Variants in TRAPPC9 observed in about 807,000 individuals in gnomAD.
TRAPPC9 encodes IKK2 binding protein.
Under a neutral mutation model 124.0 loss-of-function variants are expected in TRAPPC9, and 83 were observed. That is an observed-to-expected ratio of 0.67 (90% CI 0.56 to 0.80). The LOEUF is 0.80. Ranked by LOEUF, TRAPPC9 falls within the 30% of genes least tolerant of loss-of-function variation. The probability of loss-of-function intolerance (pLI) is 0.00; values close to 1 mark genes in which losing one functional copy is unlikely to be tolerated. For missense variants in TRAPPC9, 1,302 were observed against 1,508.3 expected, an observed-to-expected ratio of 0.86 and a Z score of 2.27; for synonymous variants, 638 against 617.5, an observed-to-expected ratio of 1.03 and a Z score of -0.49.
At chr8:139,938,586 G>A (rs534093598) in intron 19 of TRAPPC9, among the ~76,000 whole-genome samples, 1 of 148,434 alleles carries the variant, frequency 6.7e-6, no homozygotes, top group East Asian at 2.1e-4. Context: ...TGCCCAGCTA[G>A]AAACAGTCTA....
chr8:140,306,485 T>G lies in TRAPPC9; in HGVS notation c.1622+4763A>C, dbSNP rs561236812. ...TCCAGCCTCAGCATCAGAGCAAGAC[T>G]CTGTCTCAAAAAAAAAAAAAAAAAA... is the stretch of plus-strand genomic sequence containing the variant. On this transcript the variant is annotated intron_variant, in intron 10 of 22. Coordinates refer to ENST00000438773, the MANE Select transcript of TRAPPC9 (RefSeq NM_001160372.4). Among the ~76,000 whole-genome samples, 7 of 110,248 alleles carry G rather than the reference T, an allele frequency of 6.3e-5. No individual in the cohort carries two copies. In the South Asian group the frequency reaches 2.3e-3, roughly 37 times the overall value. The allele number at this position is 110,248 out of a possible 152,430, so 72.3% of individuals were successfully genotyped here. A position where few individuals can be genotyped will look rare whatever the true frequency, so the allele number is the denominator to read the frequency against.
chr8:139,981,606 A>C (rs913545162), intron 19 of TRAPPC9, among the ~76,000 whole-genome samples: 9 of 152,238 alleles, frequency 5.9e-5, no homozygotes, highest in African/African-American at 1.2e-4. Context: ...TTAAACCAGA[A>C]ACAAAAAGAG....
chr8:139,867,829 A>G (rs528106188), intron 21 of TRAPPC9, among the ~76,000 whole-genome samples: 1 of 152,256 alleles, frequency 6.6e-6, no homozygotes, highest in Non-Finnish European at 1.5e-5. Context: ...CTAAATGTAT[A>G]TAACAGCTCA....
chr8:140,082,405 G>A (rs1032863228), intron 17 of TRAPPC9, among the ~76,000 whole-genome samples: 2 of 152,158 alleles, frequency 1.3e-5, no homozygotes, highest in South Asian at 4.1e-4. Context: ...GCCCCAGTGA[G>A]AAATAATGCC....
intron 17 of TRAPPC9, among the ~76,000 whole-genome samples, chr8:140,106,166 G>T (rs989515769): frequency 6.6e-6 from 1 of 152,026 alleles, no homozygotes; most frequent in African/African-American, 2.4e-5. Context: ...CAGGACGAAA[G>T]CCTCTCCGCC....
chr8:140,018,858 T>C (rs1210611206), intron 18 of TRAPPC9, among the ~76,000 whole-genome samples: 2 of 145,884 alleles, frequency 1.4e-5, no homozygotes, highest in Non-Finnish European at 3.0e-5. Context: ...AGAAAAATAA[T>C]GAATACGGTG....
intron 17 of TRAPPC9, among the ~76,000 whole-genome samples, chr8:140,033,675 T>G (rs963933163): frequency 1.3e-3 from 139 of 104,532 alleles, no homozygotes; most frequent in Non-Finnish European, 2.0e-3. Flanking sequence ...TTTTTTTTTT[T>G]TTTTTTTTTT....
intron 19 of TRAPPC9, among the ~76,000 whole-genome samples, chr8:139,919,897 C>G (rs565796309): frequency 1.3e-5 from 2 of 152,212 alleles, no homozygotes; most frequent in Non-Finnish European, 2.9e-5. Context: ...ACTCCAGGCG[C>G]GGCATGGCAC....
rs1395937000 is a variant in TRAPPC9, at chr8:140,450,906, G to A, written c.468C>T (p.Phe156=). The change falls in exon 2 of 23, where the codon TTC becomes TTT. Residue 156 remains phenylalanine, a synonymous_variant. Transcript: ENST00000438773. ...CCAGACGCTTGGACTCCAGCACGAT[G>A]AACAGTGACTCGATGAAGTCCTCGA... The part of the protein sequence containing the change: ...KRIEDFIESL[F]IVLESKRLDR... 3.1e-6 allele frequency: 5 copies of A among 1,614,178 alleles called. No homozygotes were observed. The highest frequency in any genetic ancestry group is 4.2e-6 in the Non-Finnish European group (5 of 1,180,040).
chr8:140,131,933 G>A (rs1043130897), intron 17 of TRAPPC9, among the ~76,000 whole-genome samples: 3 of 152,290 alleles, frequency 2.0e-5, no homozygotes, highest in South Asian at 2.1e-4. Flanking sequence ...CGAGGGGACC[G>A]CTGTCCCTGC....
intron 17 of TRAPPC9, among the ~76,000 whole-genome samples, chr8:140,115,549 G>A (rs1268320750): frequency 6.6e-6 from 1 of 152,086 alleles, no homozygotes; most frequent in Non-Finnish European, 1.5e-5. Flanking sequence ...TTACAGGCAT[G>A]AGCCACCGCA....
chr8:139,913,134 G>T (rs577353003), intron 19 of TRAPPC9, among the ~76,000 whole-genome samples: 1 of 152,306 alleles, frequency 6.6e-6, no homozygotes, highest in Admixed American at 6.5e-5. Flanking sequence ...TATCTAATCT[G>T]GGGGTATCTT....
intron 19 of TRAPPC9, among the ~76,000 whole-genome samples, chr8:139,934,129 T>C (rs1356501391): frequency 6.6e-6 from 1 of 152,180 alleles, no homozygotes; most frequent in Non-Finnish European, 1.5e-5. Context: ...AGCTATGTGA[T>C]TGCCTTCATT....
intron 21 of TRAPPC9, among the ~76,000 whole-genome samples, chr8:139,849,297 C>T (rs925434573): frequency 3.9e-5 from 6 of 152,214 alleles, no homozygotes; most frequent in Non-Finnish European, 7.3e-5. Context: ...AGGAGAGGTT[C>T]CCTGTTGACA....
At chr8:140,070,982 G>A (rs1188040169) in intron 17 of TRAPPC9, among the ~76,000 whole-genome samples, 1 of 152,252 alleles carries the variant, frequency 6.6e-6, no homozygotes, top group Non-Finnish European at 1.5e-5. Context: ...CACTCGGCCA[G>A]AAGCAACGGG....
intron 21 of TRAPPC9, among the ~76,000 whole-genome samples, chr8:139,858,455 C>T (rs566290555): frequency 6.6e-6 from 1 of 152,374 alleles, no homozygotes; most frequent in South Asian, 2.1e-4. Context: ...CCGCATGCAG[C>T]TCTTCCATGC....
chr8:140,079,082 G>A (rs145971932), intron 17 of TRAPPC9, among the ~76,000 whole-genome samples: 2,198 of 152,236 alleles, frequency 0.014, 26 homozygotes, highest in South Asian at 0.027. Context: ...AGTCTCACGA[G>A]ATCTGATGGT....
intron 21 of TRAPPC9, among the ~76,000 whole-genome samples, chr8:139,803,818 CT>C (rs1823736155): frequency 6.6e-6 from 1 of 152,204 alleles, no homozygotes; most frequent in Non-Finnish European, 1.5e-5. Context: ...CACTTTACCA[CT>C]TCCCCAAGAG....
At chr8:140,290,529 G>A (rs1331399129) in intron 12 of TRAPPC9, among the ~76,000 whole-genome samples, 1 of 145,906 alleles carries the variant, frequency 6.9e-6, no homozygotes, top group African/African-American at 2.6e-5. Flanking sequence ...TGGGACGTCA[G>A]GATTTCAAAA....
Sources: allele counts gnomAD v4.1 joint callset (sites outside exome capture counted in the v4.1 genomes callset), GRCh38; gene constraint gnomAD v4.1.1; transcripts MANE v1.5; gene names NCBI Gene and HGNC (gene_info 2026-07-23, HGNC 2026-07-21).